The following CHODL variants were observed in gnomAD, a reference collection of about 807,000 sequenced individuals.
CHODL encodes the protein transmembrane protein MT75.
In CHODL, 29 loss-of-function variants were observed where a neutral mutation model predicts 34.5. That is an observed-to-expected ratio of 0.84 (90% CI 0.63 to 1.15). The LOEUF (loss-of-function observed/expected upper bound fraction) is 1.15. CHODL is among the 50% of genes most tolerant of loss of function. CHODL has a pLI of 0.00. For synonymous variants in CHODL, 125 were observed against 116.1 expected (o/e 1.08, Z -0.49); for missense variants, 332 against 332.5 (o/e 1.00, Z 0.01).
At chr21:18,022,760 C>G (rs1198227981) in intron 1 of CHODL, among the ~76,000 whole-genome samples, 2 of 152,176 alleles carry the variant, frequency 1.3e-5, no homozygotes, top group African/African-American at 4.8e-5. Context: ...AAACTCAATT[C>G]AACATGCAGT....
At chr21:18,197,212 T>C (rs527428122) in intron 2 of CHODL, among the ~76,000 whole-genome samples, 2 of 152,280 alleles carry the variant, frequency 1.3e-5, no homozygotes, top group African/African-American at 4.8e-5. Flanking sequence ...TAAATTTAAG[T>C]ATATACTTTA....
At chr21:18,166,457 A>G (rs761113260) in intron 2 of CHODL, among the ~76,000 whole-genome samples, 15 of 152,142 alleles carry the variant, frequency 9.9e-5, no homozygotes, top group Non-Finnish European at 2.1e-4. Context: ...GGTTTTGACT[A>G]CACTCAAAGG....
At chr21:17,921,296 T>A (rs2063181739) in intron 1 of CHODL, among the ~76,000 whole-genome samples, 1 of 152,200 alleles carries the variant, frequency 6.6e-6, no homozygotes, top group Non-Finnish European at 1.5e-5. Flanking sequence ...ATGAGCCTCA[T>A]CTATATTATG....
rs1034011840 is a variant in CHODL, at chr21:17,954,449, A to T, written c.-145+37049A>T. Among the ~76,000 whole-genome samples, 23 of 143,784 alleles carry T rather than the reference A, an allele frequency of 1.6e-4. 1 individual carries two copies. The highest frequency in any genetic ancestry group is 5.7e-4 in the African/African-American group (23 of 40,632). The allele number at this position is 143,784 out of a possible 152,430, so 94.3% of individuals were successfully genotyped here. On this transcript the variant is annotated intron_variant, in intron 1 of 6. Transcript: ENST00000400127. Reference sequence around the variant, plus strand: ...GTTTCTGGAAGAGATCAGCATTTGAATCAGTGAACTGAGTAAAGAAGGTTG... The same window carrying T: ...GTTTCTGGAAGAGATCAGCATTTGATTCAGTGAACTGAGTAAAGAAGGTTG...
At chr21:18,051,867 TAA>T (rs1298114130) in intron 2 of CHODL, among the ~76,000 whole-genome samples, 2 of 152,116 alleles carry the variant, frequency 1.3e-5, no homozygotes, top group South Asian at 2.1e-4. Context: ...TGTTTTTATA[TAA>T]GTTTTTCTTA....
intron 2 of CHODL, among the ~76,000 whole-genome samples, chr21:18,094,429 G>A (rs959069150): frequency 3.3e-5 from 5 of 152,070 alleles, no homozygotes; most frequent in South Asian, 4.1e-4. Flanking sequence ...TCCTCAGCAC[G>A]TAGATTATTC....
chr21:17,964,582 G>A (rs1281034793), intron 1 of CHODL, among the ~76,000 whole-genome samples: 1 of 152,176 alleles, frequency 6.6e-6, no homozygotes, highest in Non-Finnish European at 1.5e-5. Context: ...GTATATTTCA[G>A]TATTTGTTTT....
chr21:18,195,321 T>C (rs942811554), intron 2 of CHODL, among the ~76,000 whole-genome samples: 4 of 152,228 alleles, frequency 2.6e-5, no homozygotes, highest in African/African-American at 9.6e-5. Flanking sequence ...CCCAAAGTGC[T>C]GGGATTACAG....
chr21:17,975,709 T>G (rs1417675148), intron 1 of CHODL, among the ~76,000 whole-genome samples: 2 of 152,186 alleles, frequency 1.3e-5, no homozygotes, highest in Non-Finnish European at 2.9e-5. Context: ...CTTCAAGGAC[T>G]GCTGTCCTCT....
rs117966676 is a variant in CHODL, at chr21:18,104,405, C to T, written c.-45+76434C>T. ...TGAGGAAGATGCCTTGCTTCCCCTT[C>T]GCCTTCCGCCATGATTCTGAGTTTC... On this transcript the variant is annotated intron_variant, in intron 2 of 6. Transcript: ENST00000400127. Among the ~76,000 whole-genome samples the T allele has an allele frequency of 6.7e-3, 1,021 of 152,250 alleles. 10 individuals carry two copies. The highest frequency in any genetic ancestry group is 0.044 in the Middle Eastern group (13 of 294).
At chr21:18,227,020 T>C (rs2146748711) in intron 2 of CHODL, among the ~76,000 whole-genome samples, 1 of 152,266 alleles carries the variant, frequency 6.6e-6, no homozygotes, top group Non-Finnish European at 1.5e-5. Context: ...GGCTAGAAAG[T>C]CCATGACCAA....
intron 2 of CHODL, among the ~76,000 whole-genome samples, chr21:18,081,555 C>T (rs776014488): frequency 3.9e-5 from 6 of 152,004 alleles, no homozygotes; most frequent in Non-Finnish European, 5.9e-5. Context: ...GTGATGCGTG[C>T]CTGTAATCCC....
intron 2 of CHODL, among the ~76,000 whole-genome samples, chr21:18,075,926 C>A (rs1032428955): frequency 2.0e-5 from 3 of 152,082 alleles, no homozygotes; most frequent in African/African-American, 4.8e-5. Flanking sequence ...TTCTACCACC[C>A]GAGGACACAG....
intron 2 of CHODL, among the ~76,000 whole-genome samples, chr21:18,119,172 C>G (rs1359958669): frequency 6.6e-6 from 1 of 151,946 alleles, no homozygotes; most frequent in Non-Finnish European, 1.5e-5. Context: ...CATCATCACT[C>G]TCAACATAAG....
intron 2 of CHODL, among the ~76,000 whole-genome samples, chr21:18,079,174 T>C (rs73310427): frequency 0.012 from 1,785 of 152,080 alleles, 30 homozygotes; most frequent in African/African-American, 0.04. Context: ...TCTCTGTATG[T>C]CCATGTGTAC....
chr21:18,060,526 A>C (rs1361347204), intron 2 of CHODL, among the ~76,000 whole-genome samples: 1 of 151,870 alleles, frequency 6.6e-6, no homozygotes, highest in Non-Finnish European at 1.5e-5. Flanking sequence ...ATGCTCCAGG[A>C]AACTGGAAGC....
chr21:18,121,200 C>G (rs1232639197), intron 2 of CHODL, among the ~76,000 whole-genome samples: 1 of 152,060 alleles, frequency 6.6e-6, no homozygotes, highest in African/African-American at 2.4e-5. Flanking sequence ...CAGGGGTGTC[C>G]AATCTTTTGA....
intron 2 of CHODL, among the ~76,000 whole-genome samples, chr21:18,159,032 A>G (rs1290416952): frequency 6.6e-6 from 1 of 152,188 alleles, no homozygotes; most frequent in Non-Finnish European, 1.5e-5. Context: ...ATGTGACTCC[A>G]TTAACCAGAC....
intron 2 of CHODL, among the ~76,000 whole-genome samples, chr21:18,080,369 ATT>A (rs1047939154): frequency 6.6e-6 from 1 of 151,934 alleles, no homozygotes; most frequent in African/African-American, 2.4e-5. Flanking sequence ...TTTTTGTAGC[ATT>A]TGTTTTTGAA....
Sources: gnomAD v4.1 joint callset for allele counts (sites outside exome capture counted in the v4.1 genomes callset) on GRCh38, gnomAD v4.1.1 for gene constraint, MANE v1.5 for transcripts, NCBI Gene and HGNC (gene_info 2026-07-23, HGNC 2026-07-21) for gene names.